The following VDR variants were observed in gnomAD, a reference collection of about 807,000 sequenced individuals.
VDR encodes vitamin D receptor.
A neutral mutation model predicts 39.7 loss-of-function variants in VDR; 19 were observed. The ratio of observed to expected loss-of-function variants is 0.48; its 90% CI spans 0.33 to 0.70. The LOEUF is 0.70. VDR is among the 30% of genes least tolerant of loss of function. The pLI is 0.02. For missense variants in VDR, 442 were observed against 570.5 expected, an observed-to-expected ratio of 0.77 and a Z score of 2.29; for synonymous variants, 242 against 215.8, an observed-to-expected ratio of 1.12 and a Z score of -1.07.
At chr12:47,852,614 C>A (rs1945408876) in intron 7 of VDR, among the ~76,000 whole-genome samples, 1 of 152,218 alleles carries the variant, frequency 6.6e-6, no homozygotes. Flanking sequence ...GTTTTCTCTT[C>A]TTCACCATTT....
chr12:47,862,312 T>C (rs1356571645), intron 4 of VDR, among the ~76,000 whole-genome samples: 1 of 152,196 alleles, frequency 6.6e-6, no homozygotes, highest in Non-Finnish European at 1.5e-5. Flanking sequence ...AAATGCACAA[T>C]GGAGTGAGCT....
intron 7 of VDR, 58 bp downstream of exon 7, chr12:47,855,572 C>G: frequency 6.3e-7 from 1 of 1,599,024 alleles, no homozygotes; most frequent in Non-Finnish European, 8.6e-7. Flanking sequence ...TCCAACCCTT[C>G]TTGTAGCTCA....
In VDR at chr12:47,895,724, T is replaced by A. The variant is rs180740240; in HGVS notation, c.-84+9231A>T. On this transcript the variant is annotated intron_variant, in intron 1 of 9. Coordinates refer to ENST00000549336, the MANE Select transcript of VDR (RefSeq NM_000376.3). ...CAGTGATTACACATTTCATTTTTTT[T>A]AAATTGGCTGTCAATGTTTTAGAAA... Among the ~76,000 whole-genome samples, 950 of 152,308 alleles carry A rather than the reference T, an allele frequency of 6.2e-3. 10 individuals are homozygous for A. Among genetic ancestry groups the A allele is most frequent in the African/African-American group, 0.021 (881 of 41,558 alleles).
At chr12:47,861,808 C>T (rs1480057342) in intron 4 of VDR, among the ~76,000 whole-genome samples, 1 of 152,204 alleles carries the variant, frequency 6.6e-6, no homozygotes, top group African/African-American at 2.4e-5. Context: ...CCATGCAAGA[C>T]ATGTTCTCTC....
At chr12:47,895,736 C>G (rs1160255270) in intron 1 of VDR, among the ~76,000 whole-genome samples, 1 of 152,106 alleles carries the variant, frequency 6.6e-6, no homozygotes, top group Non-Finnish European at 1.5e-5. Context: ...AATTGGCTGT[C>G]AATGTTTTAG....
chr12:47,849,598 C>G lies in VDR; in HGVS notation c.756-2790G>C, dbSNP rs1205521897. ...TTTTTAAAAAGGAAAACTGCCGTGT[C>G]CTCCTTCAGATAGTCTAATGACACA... On this transcript the variant is annotated intron_variant, in intron 7 of 9. Coordinates refer to ENST00000549336, the MANE Select transcript of VDR (RefSeq NM_000376.3). Among the ~76,000 whole-genome samples, 5 of 152,322 alleles carry G rather than the reference C, an allele frequency of 3.3e-5. No homozygotes were observed. In the East Asian group the frequency reaches 9.6e-4, roughly 29 times the overall value.
chr12:47,862,158 T>A (rs1011677172), intron 4 of VDR, among the ~76,000 whole-genome samples: 1 of 152,178 alleles, frequency 6.6e-6, no homozygotes, highest in East Asian at 1.9e-4. Flanking sequence ...GGTAATAGTA[T>A]AAGCAAAAAG....
chr12:47,895,103 T>G (rs1472454464), intron 1 of VDR, among the ~76,000 whole-genome samples: 2 of 152,244 alleles, frequency 1.3e-5, no homozygotes, highest in Non-Finnish European at 2.9e-5. Context: ...CACTCTAAAA[T>G]TACACTCTAT....
intron 1 of VDR, among the ~76,000 whole-genome samples, chr12:47,887,322 C>CAAAAA (rs10686139): frequency 0.3 from 21,304 of 71,640 alleles, 3,282 homozygotes; most frequent in Admixed American, 0.42. Context: ...AACTCCGTCT[C>CAAAAA]AAAAAAAAAA....
At chr12:47,879,700 G>A (rs1417848245) in intron 2 of VDR, among the ~76,000 whole-genome samples, 2 of 152,126 alleles carry the variant, frequency 1.3e-5, no homozygotes, top group Non-Finnish European at 2.9e-5. Flanking sequence ...ATAAAGCTCA[G>A]GGCTAATAGG....
chr12:47,865,135 G>C lies in VDR; in HGVS notation c.189C>G (p.Asn63Lys). ...KRKALFTCPF[N>K]GDCRITKDNR... ...TGTCCTTGGTGATGCGGCAGTCCCCGTTGAAGGGGCAGGTGAATAGTGCCT... is the reference window on the plus strand; with the variant it reads ...TGTCCTTGGTGATGCGGCAGTCCCCCTTGAAGGGGCAGGTGAATAGTGCCT... Residue 63 changes from asparagine to lysine, a missense_variant, in exon 4 of 10, where the codon AAC becomes AAG. Transcript: ENST00000549336. 6.2e-7 allele frequency: 1 copy of C among 1,613,660 alleles called. No individual in the cohort carries two copies. Among genetic ancestry groups the C allele is most frequent in the Non-Finnish European group, 8.5e-7 (1 of 1,179,668 alleles).
chr12:47,858,463 C>A (rs773003656), intron 4 of VDR, among the ~76,000 whole-genome samples: 32 of 152,248 alleles, frequency 2.1e-4, no homozygotes, highest in African/African-American at 7.2e-4. Context: ...CTCTTGAAGG[C>A]CCCAAAGGGT....
intron 1 of VDR, 198 bp downstream of exon 1, chr12:47,904,757 A>G (rs1490212648): frequency 3.1e-6 from 3 of 966,976 alleles, no homozygotes; most frequent in Non-Finnish European, 4.6e-6. Flanking sequence ...CCTGGCACGA[A>G]CTTCAGCTTT....
intron 7 of VDR, among the ~76,000 whole-genome samples, 185 bp from the exon 8 acceptor site, chr12:47,846,993 CTG>C (rs1202653745): frequency 6.6e-6 from 1 of 152,160 alleles, no homozygotes; most frequent in Non-Finnish European, 1.5e-5. Context: ...CAGTTCAACA[CTG>C]TGATCATGTG....
chr12:47,884,074 G>A (rs1037240911), intron 1 of VDR, among the ~76,000 whole-genome samples: 1 of 151,948 alleles, frequency 6.6e-6, no homozygotes, highest in African/African-American at 2.4e-5. Flanking sequence ...AGCTGACCAC[G>A]CTCTGCAGGG....
In VDR at chr12:47,902,824, T is replaced by A. The variant is rs534672609; in HGVS notation, c.-84+2131A>T. Among the ~76,000 whole-genome samples, 8 of 152,328 alleles carry A rather than the reference T, an allele frequency of 5.3e-5. 1 individual carries two copies. The highest frequency in any genetic ancestry group is 4.1e-4 in the South Asian group (2 of 4,834). ...CCCTTTCGTGTCTTAGATAACCACCTGATGTAGTAGCCACCTGATGTAGCC... is the reference window on the plus strand; with the variant it reads ...CCCTTTCGTGTCTTAGATAACCACCAGATGTAGTAGCCACCTGATGTAGCC... On this transcript the variant is annotated intron_variant, in intron 1 of 9. Coordinates refer to ENST00000549336, the MANE Select transcript of VDR (RefSeq NM_000376.3).
At position 47,878,948 on chromosome 12, in the gene VDR, AG is replaced by A. The variant is rs1565627587; in HGVS notation, c.146+19del. ...TTCTCCCTCCCTTTCCACTGGGGAG[AG>A]CCTGGGAGGAGGGCTCACCTGAAGA... On this transcript the variant is annotated intron_variant, in intron 3 of 9. Transcript: ENST00000549336. The A allele has an allele frequency of 6.2e-7, 1 of 1,614,026 alleles. No homozygotes were observed. The highest frequency in any genetic ancestry group is 8.5e-7 in the Non-Finnish European group (1 of 1,180,012).
At chr12:47,900,127 C>G (rs1433799598) in intron 1 of VDR, among the ~76,000 whole-genome samples, 1 of 152,204 alleles carries the variant, frequency 6.6e-6, no homozygotes, top group African/African-American at 2.4e-5. Flanking sequence ...CACACAATTT[C>G]TCTGCACAAT....
At chr12:47,879,218 C>G (rs571920851) in intron 2 of VDR, 103 bp from the exon 3 acceptor site, 2 of 1,370,518 alleles carry the variant, frequency 1.5e-6, no homozygotes, top group South Asian at 1.4e-5. Flanking sequence ...ACCGCCCCCA[C>G]CCCCCACCAC....
Sources: gnomAD v4.1 joint callset for allele counts (sites outside exome capture counted in the v4.1 genomes callset) on GRCh38, gnomAD v4.1.1 for gene constraint, MANE v1.5 for transcripts, NCBI Gene and HGNC (gene_info 2026-07-23, HGNC 2026-07-21) for gene names.